KCNIP1: variants seen among roughly 807,000 people sequenced by gnomAD.
The protein encoded by KCNIP1 is A-type potassium channel modulatory protein KCNIP1.
Under a neutral mutation model 33.0 loss-of-function variants are expected in KCNIP1, and 18 were observed. That is an observed-to-expected ratio of 0.55 (90% CI 0.38 to 0.81). KCNIP1 has a LOEUF of 0.81. Ranked by LOEUF, KCNIP1 falls within the 30% of genes least tolerant of loss-of-function variation. The pLI is 0.00. For missense variants in KCNIP1, 238 were observed against 271.6 expected (o/e 0.88, Z 0.87); for synonymous variants, 93 against 98.3 (o/e 0.95, Z 0.32).
At chr5:170,693,605 G>A (rs1036796556) in intron 1 of KCNIP1, among the ~76,000 whole-genome samples, 9 of 152,112 alleles carry the variant, frequency 5.9e-5, no homozygotes, top group African/African-American at 1.9e-4. Context: ...TGCCTTTACC[G>A]AATCAAACAC....
At chr5:170,503,016 C>T (rs115066316), upstream of KCNIP1, among the ~76,000 whole-genome samples, 1,711 of 152,206 alleles carry the variant, frequency 0.011, 38 homozygotes, top group African/African-American at 0.039. Context: ...ACTAACAACC[C>T]GTGCCCAGGA....
chr5:170,388,024 C>CCCCA (rs1554088671), intron 1 of KCNIP1, among the ~76,000 whole-genome samples: 3 of 152,238 alleles, frequency 2.0e-5, no homozygotes, highest in South Asian at 2.1e-4. Flanking sequence ...ATCAGCCCCC[C>CCCCA]CCAGCGCCCA....
intron 1 of KCNIP1, among the ~76,000 whole-genome samples, chr5:170,461,999 A>G (rs1756512478): frequency 6.6e-6 from 1 of 152,206 alleles, no homozygotes; most frequent in African/African-American, 2.4e-5. Flanking sequence ...AAGACCTGAA[A>G]CTATAAAAAT....
chr5:170,553,810 G>A (rs184581979), intron 1 of KCNIP1, among the ~76,000 whole-genome samples: 40 of 152,334 alleles, frequency 2.6e-4, no homozygotes, highest in African/African-American at 9.1e-4. Context: ...CACAGTGCCT[G>A]GTACAGAGGA....
intron 1 of KCNIP1, among the ~76,000 whole-genome samples, chr5:170,547,547 C>A (rs1249592869): frequency 6.6e-6 from 1 of 152,070 alleles, no homozygotes; most frequent in Non-Finnish European, 1.5e-5. Flanking sequence ...CTGGTGGGCC[C>A]CAGTATGCAT....
In KCNIP1 at chr5:170,489,828, T is replaced by C. The variant is rs1228196508; in HGVS notation, c.88+135864T>C. The stretch of plus-strand genomic sequence containing the variant: ...GAAGTAAACTTAGCCACTGGGTCCC[T>C]AGCAAAGAAACTGGAGAACTGAGGG... On this transcript the variant is annotated intron_variant, in intron 1 of 7. Coordinates refer to the KCNIP1 transcript ENST00000377360. The surrounding 1 kb of genome is among the most constrained non-coding windows in gnomAD (Gnocchi z 4.3). Among the ~76,000 whole-genome samples the C allele has an allele frequency of 2.6e-5, 4 of 152,156 alleles. No individual in the cohort carries two copies. Among genetic ancestry groups the C allele is most frequent in the African/African-American group, 9.7e-5 (4 of 41,422 alleles).
intron 1 of KCNIP1, among the ~76,000 whole-genome samples, chr5:170,565,692 G>A (rs1466028148): frequency 1.3e-5 from 2 of 152,174 alleles, no homozygotes; most frequent in Non-Finnish European, 2.9e-5. Context: ...TGTGTTTTAA[G>A]TAGGAAAAAC....
chr5:170,368,994 T>C (rs1763775849), intron 1 of KCNIP1, among the ~76,000 whole-genome samples: 1 of 152,110 alleles, frequency 6.6e-6, no homozygotes, highest in Non-Finnish European at 1.5e-5. Flanking sequence ...AATCCAAATA[T>C]GATAAAATAC....
At position 170,672,244 on chromosome 5, in the gene KCNIP1, A is replaced by G. The variant is rs1761955101; in HGVS notation, c.62-46514A>G. On this transcript the variant is annotated intron_variant, in intron 1 of 7. Transcript: ENST00000328939. ...GAGAGATGAGGCTGGGGAGGGAGACAGGGGCCAGATCACAGAGGCCTTTCA... is the reference window on the plus strand; with the variant it reads ...GAGAGATGAGGCTGGGGAGGGAGACGGGGGCCAGATCACAGAGGCCTTTCA... Among the ~76,000 whole-genome samples, 3 of 152,360 alleles carry G rather than the reference A, an allele frequency of 2.0e-5. No homozygotes were observed. The South Asian group carries it at 6.2e-4, about 32-fold the overall frequency.
In KCNIP1 at chr5:170,527,492, T is replaced by C. The variant is rs1371072194; in HGVS notation, c.61+22859T>C. 6.6e-5 allele frequency among the ~76,000 whole-genome samples: 10 copies of C among 151,998 alleles called. 1 individual carries two copies. On this transcript the variant is annotated intron_variant, in intron 1 of 7. Coordinates refer to ENST00000328939, the MANE Select transcript of KCNIP1 (RefSeq NM_014592.4). ...TCCCTCTCAAAGCCTCAGTTAGCTC[T>C]TCAGGGCCTGCGAACGGCAATCTAT...
intron 1 of KCNIP1, among the ~76,000 whole-genome samples, chr5:170,639,789 T>G (rs1487082086): frequency 6.6e-6 from 1 of 152,222 alleles, no homozygotes; most frequent in East Asian, 1.9e-4. Flanking sequence ...GATTGCCTGC[T>G]CTGACGTAGT....
chr5:170,513,041 C>G (rs1220062018), intron 1 of KCNIP1, among the ~76,000 whole-genome samples: 1 of 150,650 alleles, frequency 6.6e-6, no homozygotes, highest in African/African-American at 2.5e-5. Flanking sequence ...CAGAGCGAGA[C>G]TCCATCTTGG....
chr5:170,577,709 A>G (rs183188087), intron 1 of KCNIP1, among the ~76,000 whole-genome samples: 6 of 152,354 alleles, frequency 3.9e-5, no homozygotes, highest in Admixed American at 3.9e-4. Flanking sequence ...AAGAGTTCAT[A>G]CTATGAACCC....
chr5:170,358,301 CTAT>C (rs1763402520), intron 1 of KCNIP1, among the ~76,000 whole-genome samples: 1 of 152,150 alleles, frequency 6.6e-6, no homozygotes, highest in Non-Finnish European at 1.5e-5. Context: ...AAGATGAGAT[CTAT>C]CTCAAGGACA....
At chr5:170,692,145 G>T (rs1762743978) in intron 1 of KCNIP1, among the ~76,000 whole-genome samples, 1 of 152,094 alleles carries the variant, frequency 6.6e-6, no homozygotes, top group Non-Finnish European at 1.5e-5. Context: ...TTGGCCAGAT[G>T]CAATTTAACA....
At chr5:170,715,295 G>A (rs185170820) in intron 1 of KCNIP1, among the ~76,000 whole-genome samples, 3 of 152,268 alleles carry the variant, frequency 2.0e-5, no homozygotes, top group East Asian at 1.9e-4. Flanking sequence ...ATGTTCACAC[G>A]ATGACAAAAC....
intron 1 of KCNIP1, among the ~76,000 whole-genome samples, chr5:170,589,945 C>T (rs370757833): frequency 3.3e-4 from 50 of 152,144 alleles, no homozygotes; most frequent in African/African-American, 1.1e-3. Context: ...CAATGCATGG[C>T]TTTGGGTGGT....
chr5:170,495,482 C>T (rs1159939885), intron 1 of KCNIP1, among the ~76,000 whole-genome samples: 2 of 152,152 alleles, frequency 1.3e-5, no homozygotes, highest in South Asian at 2.1e-4. Flanking sequence ...GAGGGGAACC[C>T]TAGGCTGTGT....
intron 1 of KCNIP1, among the ~76,000 whole-genome samples, chr5:170,671,813 T>A (rs541473861): frequency 1.2e-4 from 19 of 152,362 alleles, no homozygotes; most frequent in African/African-American, 4.3e-4. Context: ...ATTTTTTAGC[T>A]CTTAATTCTC....
Sources: allele counts gnomAD v4.1 joint callset (sites outside exome capture counted in the v4.1 genomes callset), GRCh38; gene constraint gnomAD v4.1.1; non-coding constraint Gnocchi (gnomAD v3.1); transcripts MANE v1.5; gene names NCBI Gene and HGNC (gene_info 2026-07-23, HGNC 2026-07-21).